The following RASAL2 variants were observed in gnomAD, a reference collection of about 807,000 sequenced individuals.
RASAL2 encodes ras GTPase-activating protein nGAP.
Under a neutral mutation model 128.9 loss-of-function variants are expected in RASAL2, and 58 were observed. That is an observed-to-expected ratio of 0.45 (90% CI 0.36 to 0.56). The LOEUF (loss-of-function observed/expected upper bound fraction) is 0.56. Among genes scored for constraint, RASAL2 ranks in the 20% least tolerant of loss-of-function variants. The pLI is 0.00. For missense variants in RASAL2, 1,360 were observed against 1,601.6 expected (o/e 0.85, Z 2.57); for synonymous variants, 561 against 580.8 (o/e 0.97, Z 0.49).
rs535234997 is a variant in RASAL2, at chr1:178,207,766, C to T, written c.203-75798C>T. Among the ~76,000 whole-genome samples, 235 of 152,222 alleles carry T rather than the reference C, an allele frequency of 1.5e-3. 1 individual carries two copies. The highest frequency in any genetic ancestry group is 5.4e-3 in the African/African-American group (225 of 41,534). On this transcript the variant is annotated intron_variant, in intron 1 of 17. Transcript: ENST00000367649. ...CACATAAGTAACATGATAATATCCT[C>T]TACTTTTTAACTTATTCATTTTAGA...
intron 4 of RASAL2, among the ~76,000 whole-genome samples, chr1:178,417,358 G>A (rs114429602): frequency 0.026 from 3,965 of 152,206 alleles, 64 homozygotes; most frequent in South Asian, 0.073. Flanking sequence ...GGCAGAGTTT[G>A]TGTTTATCTT....
chr1:178,465,379 G>A (rs1485302893), intron 15 of RASAL2, among the ~76,000 whole-genome samples: 3 of 152,258 alleles, frequency 2.0e-5, no homozygotes, highest in South Asian at 2.1e-4. Flanking sequence ...AATGTTGCTT[G>A]TTCTCTGTAG....
At chr1:178,438,929 G>GTGTC (rs1676442942) in intron 5 of RASAL2, among the ~76,000 whole-genome samples, 1 of 138,812 alleles carries the variant, frequency 7.2e-6, no homozygotes, top group African/African-American at 2.7e-5. Flanking sequence ...GTGTGTGTGT[G>GTGTC]TGTTTTGCCA....
rs201412959 is a variant in RASAL2 at position 178,212,574 on chromosome 1, G to A, written c.203-70990G>A. Among the ~76,000 whole-genome samples the A allele has an allele frequency of 1.1e-3, 166 of 151,412 alleles. 1 individual carries two copies. Among genetic ancestry groups the A allele is most frequent in the African/African-American group, 3.7e-3 (153 of 41,266 alleles). On this transcript the variant is annotated intron_variant, in intron 1 of 17. Coordinates refer to ENST00000367649, the MANE Select transcript of RASAL2 (RefSeq NM_170692.4). Reference sequence around the variant, plus strand: ...TGGCATGATCTCGGCTCACTGCAACGTCCGCCTCCTGGGTTCAAGCCATTC... The same window carrying A: ...TGGCATGATCTCGGCTCACTGCAACATCCGCCTCCTGGGTTCAAGCCATTC...
intron 1 of RASAL2, among the ~76,000 whole-genome samples, chr1:178,178,627 T>G (rs991147620): frequency 6.6e-6 from 1 of 152,206 alleles, no homozygotes; most frequent in Non-Finnish European, 1.5e-5. Flanking sequence ...TCGCAGTGCT[T>G]TTTCCAGTGC....
intron 2 of RASAL2, among the ~76,000 whole-genome samples, chr1:178,285,703 C>A (rs1244607582): frequency 6.6e-6 from 1 of 152,150 alleles, no homozygotes; most frequent in Non-Finnish European, 1.5e-5. Context: ...CCAAACTATT[C>A]AAAATCTTCA....
At chr1:178,114,896 T>C (rs1173260660) in intron 1 of RASAL2, among the ~76,000 whole-genome samples, 1 of 152,216 alleles carries the variant, frequency 6.6e-6, no homozygotes, top group African/African-American at 2.4e-5. Context: ...ATTCTTTTTC[T>C]GTGTTGATTT....
intron 1 of RASAL2, among the ~76,000 whole-genome samples, chr1:178,095,754 A>G (rs750923214): frequency 1.8e-4 from 28 of 152,220 alleles, no homozygotes; most frequent in African/African-American, 6.8e-4. Flanking sequence ...CTTAATGTCC[A>G]TCGCAAAGAT....
chr1:178,192,080 C>T (rs1662514877), intron 1 of RASAL2, among the ~76,000 whole-genome samples: 1 of 152,054 alleles, frequency 6.6e-6, no homozygotes, highest in Non-Finnish European at 1.5e-5. Flanking sequence ...ACTCAAGACC[C>T]CTTAAGAGAA....
In RASAL2 at chr1:178,112,018, C is replaced by T. The variant is rs546244980; in HGVS notation, c.202+17324C>T. 9.2e-5 allele frequency among the ~76,000 whole-genome samples: 14 copies of T among 152,092 alleles called. No homozygotes were observed. The South Asian group carries it at 1.2e-3, about 14-fold the overall frequency. ...TGCTGGAATTACAGATGTGAGCTAC[C>T]GCTCCTGGCCTCTTTTGTCAATTTT... On this transcript the variant is annotated intron_variant, in intron 1 of 17. Transcript: ENST00000367649.
At chr1:178,428,886 C>G (rs956072957) in intron 5 of RASAL2, among the ~76,000 whole-genome samples, 1 of 152,118 alleles carries the variant, frequency 6.6e-6, no homozygotes, top group African/African-American at 2.4e-5. Flanking sequence ...CTGCTCTTCC[C>G]CTGTAGCCTA....
chr1:178,357,160 C>G (rs1670853885), intron 3 of RASAL2, among the ~76,000 whole-genome samples: 1 of 152,072 alleles, frequency 6.6e-6, no homozygotes, highest in Non-Finnish European at 1.5e-5. Context: ...ATTTGTTCAG[C>G]CTGTCTTTTG....
At chr1:178,365,970 C>A (rs1671377129) in intron 3 of RASAL2, among the ~76,000 whole-genome samples, 1 of 152,100 alleles carries the variant, frequency 6.6e-6, no homozygotes, top group Non-Finnish European at 1.5e-5. Context: ...CTTTGTTTTT[C>A]AAATAAATGC....
At chr1:178,398,786 C>A (rs1673427247) in intron 4 of RASAL2, among the ~76,000 whole-genome samples, 1 of 152,156 alleles carries the variant, frequency 6.6e-6, no homozygotes, top group African/African-American at 2.4e-5. Context: ...ATATACTCTT[C>A]CCCTTCTCTC....
At chr1:178,317,970 C>A (rs1668568395) in intron 3 of RASAL2, among the ~76,000 whole-genome samples, 4 of 150,768 alleles carry the variant, frequency 2.7e-5, no homozygotes. Context: ...TTGAATGCGT[C>A]CCAGAGATTC....
chr1:178,298,820 C>G (rs1667630279), intron 2 of RASAL2, among the ~76,000 whole-genome samples: 1 of 151,814 alleles, frequency 6.6e-6, no homozygotes, highest in Non-Finnish European at 1.5e-5. Flanking sequence ...TTAATTATGA[C>G]ATACTCTGCC....
At chr1:178,392,234 T>C (rs746894748) in intron 4 of RASAL2, among the ~76,000 whole-genome samples, 2 of 152,074 alleles carry the variant, frequency 1.3e-5, no homozygotes, top group Non-Finnish European at 2.9e-5. Context: ...AACAACACAA[T>C]GTGTAAGTTA....
chr1:178,250,942 C>CT (rs1241753910), intron 1 of RASAL2, among the ~76,000 whole-genome samples: 1 of 152,104 alleles, frequency 6.6e-6, no homozygotes, highest in African/African-American at 2.4e-5. Context: ...GCTCTTAGTA[C>CT]AGTCAAGGGC....
chr1:178,245,157 C>T (rs1164646231), intron 1 of RASAL2, among the ~76,000 whole-genome samples: 2 of 152,206 alleles, frequency 1.3e-5, no homozygotes, highest in Admixed American at 6.5e-5. Context: ...GCCACACTGT[C>T]GTCCACAATG....
Sources: allele counts gnomAD v4.1 joint callset (sites outside exome capture counted in the v4.1 genomes callset), GRCh38; gene constraint gnomAD v4.1.1; transcripts MANE v1.5; gene names NCBI Gene and HGNC (gene_info 2026-07-23, HGNC 2026-07-21).